Variants in GRIN2A observed in about 807,000 individuals in gnomAD.
GRIN2A encodes the protein glutamate receptor ionotropic, NMDA 2A.
In GRIN2A, 22 loss-of-function variants were observed where a neutral mutation model predicts 113.4. The ratio of observed to expected loss-of-function variants is 0.19; its 90% confidence interval spans 0.14 to 0.28. The LOEUF (loss-of-function observed/expected upper bound fraction) is 0.28. GRIN2A is among the 10% of genes least tolerant of loss of function. GRIN2A has a pLI of 1.00. For missense variants in GRIN2A, 1,502 were observed against 1,887.0 expected, an observed-to-expected ratio of 0.80 and a Z score of 3.78; for synonymous variants, 827 against 738.4, an observed-to-expected ratio of 1.12 and a Z score of -1.94.
At chr16:10,130,736 C>A (rs573386765) in intron 2 of GRIN2A, among the ~76,000 whole-genome samples, 8 of 152,332 alleles carry the variant, frequency 5.3e-5, no homozygotes, top group African/African-American at 1.7e-4. Context: ...GCTTCTCCTG[C>A]AACTTCTCGT....
At chr16:10,178,307 T>C (rs1364389197) in intron 2 of GRIN2A, among the ~76,000 whole-genome samples, 1 of 152,172 alleles carries the variant, frequency 6.6e-6, no homozygotes, top group African/African-American at 2.4e-5. Context: ...CCCTTGTCCC[T>C]CCTGAAGATG....
intron 2 of GRIN2A, among the ~76,000 whole-genome samples, chr16:10,143,466 G>C (rs1019041479): frequency 6.6e-6 from 1 of 152,098 alleles, no homozygotes; most frequent in Non-Finnish European, 1.5e-5. Flanking sequence ...AGGTATTTAT[G>C]TTTAAAAACC....
chr16:10,171,293 A>T (rs2050035744), intron 2 of GRIN2A, among the ~76,000 whole-genome samples: 2 of 152,224 alleles, frequency 1.3e-5, no homozygotes, highest in African/African-American at 4.8e-5. Flanking sequence ...TTCTTTAAAC[A>T]AATACCGTTG....
At chr16:9,834,949 A>G (rs1266399593) in intron 7 of GRIN2A, among the ~76,000 whole-genome samples, 1 of 152,224 alleles carries the variant, frequency 6.6e-6, no homozygotes, top group Non-Finnish European at 1.5e-5. Flanking sequence ...ATAGTAAACC[A>G]TAGGCTCCTG....
intron 2 of GRIN2A, among the ~76,000 whole-genome samples, chr16:10,069,210 C>T (rs1044633306): frequency 1.3e-5 from 2 of 152,166 alleles, no homozygotes; most frequent in South Asian, 4.2e-4. Context: ...TCATCTACAG[C>T]TCCAGATGGT....
At chr16:9,950,682 T>G (rs958912763) in intron 2 of GRIN2A, among the ~76,000 whole-genome samples, 1 of 152,184 alleles carries the variant, frequency 6.6e-6, no homozygotes, top group African/African-American at 2.4e-5. Context: ...GATGGCTTAG[T>G]GCAGTGGAAG....
intron 2 of GRIN2A, among the ~76,000 whole-genome samples, chr16:10,128,757 C>T (rs1397783826): frequency 6.6e-6 from 1 of 152,110 alleles, no homozygotes; most frequent in Non-Finnish European, 1.5e-5. Flanking sequence ...GAAACAGATG[C>T]AAAACAGATG....
rs143039009 is a variant in GRIN2A at position 9,764,298 on chromosome 16, G to A, written c.3246C>T (p.Thr1082=). ...CCACTGACCTTTTAAAGTTGTCCTT[G>A]GTTTTGTGGTTCTTACTGTTGTCAG... The part of the protein sequence containing the change: ...REPDNSKNHK[T]KDNFKRSVAS... Residue 1082 remains threonine (T), a synonymous_variant, in exon 13 of 13, where the codon ACC becomes ACT. Transcript: ENST00000330684. 1.1e-4 allele frequency: 178 copies of A among 1,614,060 alleles called. No homozygotes were observed. The highest frequency in any genetic ancestry group is 3.3e-4 in the Middle Eastern group (2 of 6,062).
intron 3 of GRIN2A, among the ~76,000 whole-genome samples, chr16:9,921,065 C>T (rs2044349701): frequency 2.6e-5 from 4 of 152,158 alleles, no homozygotes; most frequent in Admixed American, 2.6e-4. Flanking sequence ...GATGGTTCTG[C>T]ATTTGAGCTT....
Position 10,180,250 on chromosome 16 carries a change from C to A in GRIN2A, c.162G>T (p.Leu54=). The change falls in exon 2 of 13, where the codon CTG becomes CTT. Residue 54 remains leucine, a synonymous_variant. Transcript: ENST00000330684. This position sits in a 1 kb window ranked among gnomAD's most constrained non-coding sequence, Gnocchi z 7.0. ...HDVTERELRT[L]WGPEQAAGLP... is the part of the protein sequence containing the mutation. Reference sequence around the variant, plus strand: ...GCCCCGCCGCCTGCTCGGGGCCCCACAGTGTTCGAAGTTCGCGCTCTGTCA... The same window carrying A: ...GCCCCGCCGCCTGCTCGGGGCCCCAAAGTGTTCGAAGTTCGCGCTCTGTCA... 6.2e-7 allele frequency: 1 copy of A among 1,614,008 alleles called. No individual in the cohort carries two copies. The highest frequency in any genetic ancestry group is 8.5e-7 in the Non-Finnish European group (1 of 1,180,022).
chr16:10,020,270 G>C (rs1297121490), intron 2 of GRIN2A, among the ~76,000 whole-genome samples: 1 of 152,160 alleles, frequency 6.6e-6, no homozygotes, highest in Middle Eastern at 3.2e-3. Flanking sequence ...AATTAGCAGG[G>C]CATGGGGCGT....
In GRIN2A at chr16:9,796,284, T is replaced by C. The variant is rs1201014413; in HGVS notation, c.2356+1993A>G. Reference sequence around the variant, plus strand: ...ATCAATCATTCATCCATACATGTATTTATTCATTCAAACCTTTATTGACCA... The same window carrying C: ...ATCAATCATTCATCCATACATGTATCTATTCATTCAAACCTTTATTGACCA... On this transcript the variant is annotated intron_variant, in intron 11 of 12. Transcript: ENST00000330684. Among the ~76,000 whole-genome samples the C allele has an allele frequency of 2.0e-5, 3 of 152,334 alleles. No homozygotes were observed. In the East Asian group the frequency reaches 5.8e-4, roughly 29 times the overall value.
chr16:10,151,764 C>T (rs1319915859), intron 2 of GRIN2A, among the ~76,000 whole-genome samples: 1 of 152,110 alleles, frequency 6.6e-6, no homozygotes, highest in Non-Finnish European at 1.5e-5. Flanking sequence ...TAGTCTCTAC[C>T]AAGGCCTCCG....
chr16:10,167,617 G>T (rs1353973449), intron 2 of GRIN2A, among the ~76,000 whole-genome samples: 1 of 152,144 alleles, frequency 6.6e-6, no homozygotes, highest in Non-Finnish European at 1.5e-5. Context: ...CTCCATGGAA[G>T]GGAACCTGAG....
intron 3 of GRIN2A, among the ~76,000 whole-genome samples, chr16:9,927,453 C>G (rs2044490174): frequency 6.6e-6 from 1 of 152,150 alleles, no homozygotes; most frequent in African/African-American, 2.4e-5. Flanking sequence ...GAAAAAAAAT[C>G]ACACTGCCCA....
At chr16:10,101,020 G>A (rs536959168) in intron 2 of GRIN2A, among the ~76,000 whole-genome samples, 26 of 152,318 alleles carry the variant, frequency 1.7e-4, no homozygotes, top group African/African-American at 6.0e-4. Context: ...GAGCCCTCAG[G>A]ATTCACTTCC....
intron 2 of GRIN2A, among the ~76,000 whole-genome samples, chr16:9,973,357 C>T (rs1304356032): frequency 1.3e-5 from 2 of 152,148 alleles, no homozygotes; most frequent in Non-Finnish European, 2.9e-5. Context: ...GCCTACACCT[C>T]CGCCCAGGAA....
rs78810919 is a variant in GRIN2A, at chr16:10,086,258, C to T, written c.414+93740G>A. The stretch of plus-strand genomic sequence containing the variant: ...TATCCAGAGCTTCTGACAATAAGTA[C>T]ATCAAAGCTAGGGTGCCACAGTGAC... On this transcript the variant is annotated intron_variant, in intron 2 of 12. Coordinates refer to ENST00000330684, the MANE Select transcript of GRIN2A (RefSeq NM_001134407.3). Among the ~76,000 whole-genome samples, 47 of 152,256 alleles carry T rather than the reference C, an allele frequency of 3.1e-4. No individual in the cohort carries two copies. In the East Asian group the frequency reaches 7.9e-3, roughly 26 times the overall value.
chr16:10,009,114 A>G (rs2046456392), intron 2 of GRIN2A, among the ~76,000 whole-genome samples: 1 of 152,220 alleles, frequency 6.6e-6, no homozygotes, highest in Non-Finnish European at 1.5e-5. Flanking sequence ...ATTTGCTGGT[A>G]AGTGACCACT....
Sources: allele counts gnomAD v4.1 joint callset (sites outside exome capture counted in the v4.1 genomes callset), GRCh38; gene constraint gnomAD v4.1.1; non-coding constraint Gnocchi (gnomAD v3.1); transcripts MANE v1.5; gene names NCBI Gene and HGNC (gene_info 2026-07-23, HGNC 2026-07-21).